Variants in FBXO15 observed in about 807,000 individuals in gnomAD.
The protein encoded by FBXO15 is F-box protein 15, also known as F-box only protein 15.
Under a neutral mutation model 49.5 loss-of-function variants are expected in FBXO15, and 30 were observed. The observed-to-expected ratio is 0.61, with a 90% CI of 0.45 to 0.82. FBXO15 has a LOEUF of 0.82. Among genes scored for constraint, FBXO15 ranks in the 40% least tolerant of loss-of-function variants. The pLI is 0.00. For synonymous variants in FBXO15, 250 were observed against 232.7 expected (o/e 1.07, Z -0.68); for missense variants, 591 against 631.5 (o/e 0.94, Z 0.69).
At chr18:74,107,813 G>A (rs756508248) in intron 8 of FBXO15, among the ~76,000 whole-genome samples, 2 of 152,130 alleles carry the variant, frequency 1.3e-5, no homozygotes, top group Admixed American at 6.6e-5. Flanking sequence ...AAATGTACCA[G>A]AGCATTCTGT....
At chr18:74,115,979 C>T (rs1217731396) in intron 8 of FBXO15, among the ~76,000 whole-genome samples, 1 of 152,156 alleles carries the variant, frequency 6.6e-6, no homozygotes, top group Admixed American at 6.5e-5. Context: ...CCTCTCAATT[C>T]ATTTTCAAAA....
rs145819309 is a variant in FBXO15 at position 74,139,391 on chromosome 18, T to C, written c.227+811A>G. On this transcript the variant is annotated intron_variant, in intron 2 of 9. Transcript: ENST00000419743. ...AGGAATATTTGCTCCATTTCTCATATCAGATGCCTGTAAAACAGCCTATTC... is the reference window on the plus strand; with the variant it reads ...AGGAATATTTGCTCCATTTCTCATACCAGATGCCTGTAAAACAGCCTATTC... Among the ~76,000 whole-genome samples, 745 of 152,364 alleles carry C rather than the reference T, an allele frequency of 4.9e-3. 5 individuals are homozygous for C. Among genetic ancestry groups the C allele is most frequent in the African/African-American group, 0.017 (717 of 41,594 alleles).
chr18:74,074,971 C>G lies in FBXO15; in HGVS notation c.1264-1241G>C, dbSNP rs190915463. Among the ~76,000 whole-genome samples, 15 of 152,304 alleles carry G rather than the reference C, an allele frequency of 9.8e-5. No homozygotes were observed. The East Asian group carries it at 2.9e-3, about 29-fold the overall frequency. On this transcript the variant is annotated intron_variant, in intron 9 of 9. Coordinates refer to ENST00000419743, the MANE Select transcript of FBXO15 (RefSeq NM_001142958.2). This position sits in a 1 kb window ranked among gnomAD's most constrained non-coding sequence, Gnocchi z 4.7. Reference sequence around the variant, plus strand: ...CATACCTCCCTCACTCCCCTTGCAACACACCTTAGGGCCAGGTCCAGCAAA... The same window carrying G: ...CATACCTCCCTCACTCCCCTTGCAAGACACCTTAGGGCCAGGTCCAGCAAA...
chr18:74,112,085 T>G (rs1914054787), intron 8 of FBXO15, among the ~76,000 whole-genome samples: 1 of 152,138 alleles, frequency 6.6e-6, no homozygotes, highest in Admixed American at 6.5e-5. Flanking sequence ...CCCAAATGGG[T>G]TCACTGGTAA....
intron 8 of FBXO15, among the ~76,000 whole-genome samples, chr18:74,088,335 G>T (rs1159126374): frequency 2.6e-5 from 4 of 152,130 alleles, no homozygotes; most frequent in African/African-American, 9.7e-5. Flanking sequence ...ATAGTTTTAG[G>T]TTTTACATTT....
At chr18:74,092,595 G>A (rs771432224) in intron 8 of FBXO15, among the ~76,000 whole-genome samples, 13 of 152,100 alleles carry the variant, frequency 8.5e-5, no homozygotes, top group African/African-American at 1.4e-4. Flanking sequence ...TGATTGTGAC[G>A]TAAGGTAGGC....
intron 2 of FBXO15, among the ~76,000 whole-genome samples, chr18:74,136,386 C>T (rs554502910): frequency 1.3e-5 from 2 of 152,232 alleles, no homozygotes; most frequent in South Asian, 2.1e-4. Context: ...ATGTTGCCCA[C>T]CAAACCTGGC....
At chr18:74,145,367 C>T (rs1028063366) in intron 1 of FBXO15, among the ~76,000 whole-genome samples, 1 of 152,092 alleles carries the variant, frequency 6.6e-6, no homozygotes, top group African/African-American at 2.4e-5. Context: ...AAATGGATCT[C>T]ATAGAGTCCC....
In FBXO15 at chr18:74,147,812, G is replaced by A. The variant is rs953343635; in HGVS notation, c.-27C>T. The A allele has an allele frequency of 6.7e-7, 1 of 1,492,830 alleles. No individual in the cohort carries two copies. The highest frequency in any genetic ancestry group is 8.9e-7 in the Non-Finnish European group (1 of 1,121,780). 92.5% of individuals were successfully genotyped at this position (1,492,830 alleles called of 1,614,324 possible). On this transcript the variant is annotated 5_prime_UTR_variant, in exon 1 of 10. Transcript: ENST00000419743. The stretch of plus-strand genomic sequence containing the variant: ...GAGACAAGGAGTTCACCACAGGACC[G>A]CGCCAGGGCTGAAACGAAGAGTGCA...
intron 9 of FBXO15, chr18:74,076,475 C>G (rs1195141922): frequency 6.6e-6 from 1 of 152,322 alleles, no homozygotes; most frequent in East Asian, 1.9e-4. Flanking sequence ...GGAAGAGGGC[C>G]CTCACCAGAC....
chr18:74,099,407 C>T (rs572312284), intron 8 of FBXO15: 2 of 152,264 alleles, frequency 1.3e-5, no homozygotes, highest in South Asian at 2.1e-4. Context: ...GCCAGCACTA[C>T]AAGAACGGCC....
chr18:74,147,798 T>C lies in FBXO15; in HGVS notation c.-13A>G. On this transcript the variant is annotated 5_prime_UTR_variant, in exon 1 of 10. Transcript: ENST00000419743. The stretch of plus-strand genomic sequence containing the variant: ...GTCCAGTCGCCATAGAGACAAGGAG[T>C]TCACCACAGGACCGCGCCAGGGCTG... The C allele has an allele frequency of 2.0e-6, 3 of 1,518,884 alleles. No individual in the cohort carries two copies. Among genetic ancestry groups the C allele is most frequent in the Non-Finnish European group, 2.6e-6 (3 of 1,135,954 alleles). The allele number at this position is 1,518,884 out of a possible 1,614,324, so 94.1% of individuals were successfully genotyped here.
intron 9 of FBXO15, among the ~76,000 whole-genome samples, chr18:74,081,314 T>C (rs1568155333): frequency 6.6e-6 from 1 of 152,060 alleles, no homozygotes; most frequent in African/African-American, 2.4e-5. Context: ...TCCCATAAAA[T>C]AAAGTTGGAG....
chr18:74,122,484 A>G (rs1568173423), intron 8 of FBXO15: 1 of 152,264 alleles, frequency 6.6e-6, no homozygotes, highest in Non-Finnish European at 1.5e-5. Context: ...ATATAGAAAT[A>G]GTGACATAAT....
chr18:74,092,445 C>T (rs756000552), intron 8 of FBXO15, among the ~76,000 whole-genome samples: 28 of 152,280 alleles, frequency 1.8e-4, no homozygotes, highest in African/African-American at 6.0e-4. Context: ...GGTGAGAAGA[C>T]ACTCTGGCTT....
chr18:74,136,347 A>AT (rs1470955654), intron 2 of FBXO15, among the ~76,000 whole-genome samples: 1 of 152,134 alleles, frequency 6.6e-6, no homozygotes, highest in Non-Finnish European at 1.5e-5. Flanking sequence ...AGCCTGGCTA[A>AT]TTTTTTGTAT....
intron 5 of FBXO15, among the ~76,000 whole-genome samples, chr18:74,126,919 G>A (rs1204220007): frequency 6.6e-6 from 1 of 152,188 alleles, no homozygotes; most frequent in Non-Finnish European, 1.5e-5. Context: ...ACAACAACTG[G>A]GTAAGGAGAG....
intron 9 of FBXO15, 145 bp downstream of exon 9, chr18:74,081,782 C>T (rs564692125): frequency 1.6e-6 from 1 of 613,244 alleles, no homozygotes; most frequent in Non-Finnish European, 2.6e-6. Flanking sequence ...AGAATGTGCA[C>T]CAACCTTCAG....
intron 8 of FBXO15, among the ~76,000 whole-genome samples, chr18:74,117,070 C>T (rs1471142155): frequency 1.3e-5 from 2 of 152,134 alleles, no homozygotes; most frequent in African/African-American, 4.8e-5. Flanking sequence ...ACTAAATATA[C>T]CACATGGTAC....
Sources: gnomAD v4.1 joint callset for allele counts (sites outside exome capture counted in the v4.1 genomes callset) on GRCh38, gnomAD v4.1.1 for gene constraint, Gnocchi (gnomAD v3.1) non-coding constraint, MANE v1.5 for transcripts, NCBI Gene and HGNC (gene_info 2026-07-23, HGNC 2026-07-21) for gene names.